Variants in ADGRB3 observed in about 807,000 individuals in gnomAD.
The protein encoded by ADGRB3 is brain-specific angiogenesis inhibitor 3.
A neutral mutation model predicts 193.4 loss-of-function variants in ADGRB3; 37 were observed. The ratio of observed to expected loss-of-function variants is 0.19; its 90% CI spans 0.15 to 0.25. ADGRB3 has a LOEUF of 0.25. ADGRB3 is among the 10% of genes least tolerant of loss of function. The probability of loss-of-function intolerance (pLI) is 1.00; values close to 1 mark genes in which losing one functional copy is unlikely to be tolerated. For synonymous variants in ADGRB3, 690 were observed against 644.2 expected, an observed-to-expected ratio of 1.07 and a Z score of -1.08; for missense variants, 1,637 against 1,852.9, an observed-to-expected ratio of 0.88 and a Z score of 2.14.
At chr6:69,320,996 T>C (rs183611050) in intron 20 of ADGRB3, among the ~76,000 whole-genome samples, 2 of 151,914 alleles carry the variant, frequency 1.3e-5, no homozygotes, top group Non-Finnish European at 3.0e-5. Context: ...TCAGAACTTC[T>C]GTGTCATCCA....
intron 3 of ADGRB3, among the ~76,000 whole-genome samples, chr6:68,649,801 C>T (rs1161178454): frequency 2.0e-5 from 3 of 152,094 alleles, no homozygotes; most frequent in Non-Finnish European, 4.4e-5. Context: ...TTCTGGGCTT[C>T]TCGCCTTGCA....
At chr6:68,943,070 T>G (rs1767685597) in intron 5 of ADGRB3, among the ~76,000 whole-genome samples, 2 of 152,218 alleles carry the variant, frequency 1.3e-5, no homozygotes, top group South Asian at 4.1e-4. Context: ...TAAGCATAAT[T>G]ATTTTCTTTA....
chr6:68,785,680 G>A (rs1045160259), intron 3 of ADGRB3, among the ~76,000 whole-genome samples: 1 of 152,114 alleles, frequency 6.6e-6, no homozygotes, highest in African/African-American at 2.4e-5. Context: ...ACAGTAATGG[G>A]ATGGCTGGGT....
intron 17 of ADGRB3, among the ~76,000 whole-genome samples, chr6:69,095,809 G>C (rs9454690): frequency 0.016 from 2,478 of 152,062 alleles, 63 homozygotes; most frequent in African/African-American, 0.056. Flanking sequence ...GCACATGCAC[G>C]CGTGCACACA....
intron 21 of ADGRB3, among the ~76,000 whole-genome samples, chr6:69,327,209 G>A (rs1310217906): frequency 1.3e-5 from 2 of 152,100 alleles, no homozygotes; most frequent in African/African-American, 2.4e-5. Context: ...GGGTTCTATT[G>A]AACTTGAATG....
At chr6:69,353,758 G>A (rs568079459) in intron 26 of ADGRB3, among the ~76,000 whole-genome samples, 1 of 152,208 alleles carries the variant, frequency 6.6e-6, no homozygotes, top group East Asian at 1.9e-4. Context: ...AGGTACACCA[G>A]CATTTGTATT....
chr6:69,156,958 C>G (rs1774857895), intron 17 of ADGRB3, among the ~76,000 whole-genome samples: 1 of 152,188 alleles, frequency 6.6e-6, no homozygotes, highest in African/African-American at 2.4e-5. Context: ...AGCCTTCCAG[C>G]AGGCCTGAGC....
intron 3 of ADGRB3, among the ~76,000 whole-genome samples, chr6:68,909,532 A>G (rs549950747): frequency 6.6e-6 from 1 of 152,314 alleles, no homozygotes; most frequent in Admixed American, 6.5e-5. Context: ...ACTAAGGCAT[A>G]GTGGCATAGT....
chr6:69,257,660 A>G (rs1345470541), intron 20 of ADGRB3, among the ~76,000 whole-genome samples: 3 of 152,208 alleles, frequency 2.0e-5, no homozygotes, highest in Non-Finnish European at 2.9e-5. Context: ...ATGGATGGGG[A>G]AAAAAGTTAA....
At chr6:69,168,551 G>T (rs1279565672) in intron 17 of ADGRB3, among the ~76,000 whole-genome samples, 1 of 151,990 alleles carries the variant, frequency 6.6e-6, no homozygotes, top group Admixed American at 6.6e-5. Context: ...CACATAATTT[G>T]CAGTAGCATT....
chr6:68,717,406 T>G (rs1765506724), intron 3 of ADGRB3, among the ~76,000 whole-genome samples: 1 of 151,720 alleles, frequency 6.6e-6, no homozygotes, highest in African/African-American at 2.4e-5. Context: ...CATAACAAAT[T>G]TTAATCTAAA....
chr6:68,851,325 T>A (rs1768396461), intron 3 of ADGRB3, among the ~76,000 whole-genome samples: 1 of 151,896 alleles, frequency 6.6e-6, no homozygotes, highest in African/African-American at 2.4e-5. Flanking sequence ...TCGTCTTTCC[T>A]TTTCTGGACA....
chr6:69,109,084 A>G (rs1773296626), intron 17 of ADGRB3, among the ~76,000 whole-genome samples: 2 of 152,228 alleles, frequency 1.3e-5, no homozygotes, highest in Admixed American at 1.3e-4. Context: ...TAAGAGGGTT[A>G]CAGTATCTGA....
chr6:69,139,102 C>A (rs1202515045), intron 17 of ADGRB3, among the ~76,000 whole-genome samples: 1 of 152,184 alleles, frequency 6.6e-6, no homozygotes, highest in Non-Finnish European at 1.5e-5. Context: ...TACCCCTTCA[C>A]CCTACCACCT....
intron 17 of ADGRB3, among the ~76,000 whole-genome samples, chr6:69,121,850 C>G (rs561460053): frequency 1.2e-4 from 18 of 152,058 alleles, no homozygotes; most frequent in Admixed American, 2.0e-4. Context: ...CTCCTCACCT[C>G]CCAGATGGGG....
At chr6:68,911,588 A>C (rs558382011) in intron 3 of ADGRB3, among the ~76,000 whole-genome samples, 4 of 152,244 alleles carry the variant, frequency 2.6e-5, no homozygotes, top group Admixed American at 1.3e-4. Flanking sequence ...TTAACAATTA[A>C]AAAGAAAGTG....
intron 3 of ADGRB3, among the ~76,000 whole-genome samples, chr6:68,863,444 C>T (rs914931538): frequency 1.1e-4 from 17 of 151,876 alleles, no homozygotes; most frequent in African/African-American, 3.4e-4. Context: ...AAAACTGATA[C>T]ATTTTATTAA....
intron 3 of ADGRB3, among the ~76,000 whole-genome samples, chr6:68,654,079 A>C (rs1768436208): frequency 6.6e-6 from 1 of 152,080 alleles, no homozygotes. Flanking sequence ...GTCATGAGGA[A>C]CTTGTAATCA....
chr6:68,993,691 A>G, intron 10 of ADGRB3, 77 bp from the exon 11 acceptor site: 1 of 1,423,542 alleles, frequency 7.0e-7, no homozygotes, highest in Non-Finnish European at 9.6e-7. Context: ...AATTTTAAAT[A>G]AAGTTGTTTG....
Sources: gnomAD v4.1 joint callset for allele counts (sites outside exome capture counted in the v4.1 genomes callset) on GRCh38, gnomAD v4.1.1 for gene constraint, MANE v1.5 for transcripts, NCBI Gene and HGNC (gene_info 2026-07-23, HGNC 2026-07-21) for gene names.